IL1RAPL1: variants seen among roughly 807,000 people sequenced by gnomAD.
IL1RAPL1 encodes interleukin-1 receptor accessory protein-like 1.
In IL1RAPL1, 3 loss-of-function variants were observed where a neutral mutation model predicts 48.4. That is an observed-to-expected ratio of 0.06 (90% CI 0.03 to 0.16). The LOEUF is 0.16. Among genes scored for constraint, IL1RAPL1 ranks in the 10% least tolerant of loss-of-function variants. IL1RAPL1 has a pLI of 1.00. For synonymous variants in IL1RAPL1, 185 were observed against 187.7 expected, an observed-to-expected ratio of 0.99 and a Z score of 0.12; for missense variants, 349 against 530.6, an observed-to-expected ratio of 0.66 and a Z score of 3.36.
chrX:28,744,853 G>T, intron 1 of IL1RAPL1, among the ~76,000 whole-genome samples: 1 of 111,565 alleles, frequency 9.0e-6, no homozygotes, highest in African/African-American at 3.3e-5. Context: ...TTGGGTAAGT[G>T]ACTTCTTACC....
chrX:29,336,141 T>G (rs1291098799), intron 3 of IL1RAPL1, among the ~76,000 whole-genome samples: 1 of 103,933 alleles, frequency 9.6e-6, no homozygotes, highest in Non-Finnish European at 1.9e-5. Context: ...TATCTATACC[T>G]TATATACCTA....
At chrX:28,943,760 C>T (rs1924224582) in intron 2 of IL1RAPL1, among the ~76,000 whole-genome samples, 1 of 110,881 alleles carries the variant, frequency 9.0e-6, no homozygotes, top group South Asian at 3.7e-4. Flanking sequence ...TAATGAAATG[C>T]ACTCAGTACT....
At chrX:29,826,036 G>C (rs1247446553) in intron 6 of IL1RAPL1, among the ~76,000 whole-genome samples, 3 of 111,226 alleles carry the variant, frequency 2.7e-5, no homozygotes, top group Non-Finnish European at 5.7e-5. Context: ...TTGAGACTTG[G>C]AAAATGTGAC....
intron 2 of IL1RAPL1, among the ~76,000 whole-genome samples, chrX:28,793,243 A>AG (rs1381036815): frequency 3.6e-5 from 4 of 110,412 alleles, no homozygotes; most frequent in Admixed American, 9.7e-5. Context: ...CTGAAAAAAA[A>AG]TCCCCCACAT....
intron 3 of IL1RAPL1, among the ~76,000 whole-genome samples, chrX:29,364,104 AC>A (rs1316138389): frequency 3.6e-5 from 4 of 112,571 alleles, no homozygotes; most frequent in Non-Finnish European, 5.6e-5. Flanking sequence ...AGCCAAGAAA[AC>A]AAAAAGTTAT....
chrX:29,066,029 C>G (rs1261835015), intron 2 of IL1RAPL1, among the ~76,000 whole-genome samples: 5 of 111,427 alleles, frequency 4.5e-5, no homozygotes, highest in Non-Finnish European at 7.5e-5. Flanking sequence ...GACATTTGGC[C>G]TCTTTCACAG....
At chrX:29,640,650 T>C (rs1925137342) in intron 5 of IL1RAPL1, among the ~76,000 whole-genome samples, 1 of 111,848 alleles carries the variant, frequency 8.9e-6, no homozygotes, top group Non-Finnish European at 1.9e-5. Context: ...CCTCCCTTAC[T>C]TTGTATCCCA....
At chrX:29,904,291 A>G (rs1932562513) in intron 6 of IL1RAPL1, among the ~76,000 whole-genome samples, 1 of 111,904 alleles carries the variant, frequency 8.9e-6, no homozygotes. Flanking sequence ...GAAAAGAACG[A>G]TAGTTGCTCT....
At position 29,558,820 on chromosome X, in the gene IL1RAPL1, T is replaced by C. The variant is rs1251411226; in HGVS notation, c.704-109610T>C. On this transcript the variant is annotated intron_variant, in intron 5 of 10. Transcript: ENST00000378993. Reference sequence around the variant, plus strand: ...TTTCCCCATTGTTTCTTAGCATGCTTGTTGAAGATCAGTTGACTATAAATA... The same window carrying C: ...TTTCCCCATTGTTTCTTAGCATGCTCGTTGAAGATCAGTTGACTATAAATA... Among the ~76,000 whole-genome samples the C allele has an allele frequency of 5.4e-5, 6 of 111,672 alleles. No individual in the cohort carries two copies. In the East Asian group the frequency reaches 8.4e-4, roughly 16 times the overall value.
chrX:29,032,900 A>G (rs1926652918), intron 2 of IL1RAPL1, among the ~76,000 whole-genome samples: 1 of 112,503 alleles, frequency 8.9e-6, no homozygotes, highest in Non-Finnish European at 1.9e-5. Context: ...CCTAATACCA[A>G]TTTTATAAGG....
chrX:29,511,966 T>C (rs1405021268), intron 5 of IL1RAPL1, among the ~76,000 whole-genome samples: 1 of 111,188 alleles, frequency 9.0e-6, no homozygotes, highest in Non-Finnish European at 1.9e-5. Flanking sequence ...GATAGGAATA[T>C]AATGAAATGA....
chrX:29,335,272 AC>A (rs1932973356), intron 3 of IL1RAPL1, among the ~76,000 whole-genome samples: 1 of 22,806 alleles, frequency 4.4e-5, no homozygotes, highest in African/African-American at 2.0e-4. Context: ...GGAGACGGAG[AC>A]GGAGAGGGGA....
chrX:29,285,987 G>A (rs1031281388), intron 3 of IL1RAPL1, among the ~76,000 whole-genome samples: 1 of 111,776 alleles, frequency 8.9e-6, no homozygotes, highest in Non-Finnish European at 1.9e-5. Context: ...GAATTTTAGA[G>A]GCTTGAAAAT....
chrX:29,245,232 A>G (rs1275828456), intron 2 of IL1RAPL1, among the ~76,000 whole-genome samples: 2 of 111,553 alleles, frequency 1.8e-5, no homozygotes, highest in Non-Finnish European at 3.8e-5. Context: ...GCTGCAATAA[A>G]CATACATGTG....
chrX:29,164,689 C>G (rs1390058441), intron 2 of IL1RAPL1, among the ~76,000 whole-genome samples: 2 of 111,698 alleles, frequency 1.8e-5, no homozygotes, highest in Non-Finnish European at 3.8e-5. Flanking sequence ...AAGTCAGATT[C>G]CTTGACATCA....
chrX:28,852,023 T>G (rs929121140), intron 2 of IL1RAPL1, among the ~76,000 whole-genome samples: 4 of 112,003 alleles, frequency 3.6e-5, no homozygotes, highest in African/African-American at 1.3e-4. Context: ...AACACCTGCT[T>G]AAAATGCCAA....
intron 2 of IL1RAPL1, among the ~76,000 whole-genome samples, chrX:29,142,567 C>T (rs1221918180): frequency 8.9e-6 from 1 of 112,154 alleles, no homozygotes; most frequent in Non-Finnish European, 1.9e-5. Context: ...CGTTAATTTC[C>T]TCATTTTAAT....
chrX:28,802,417 A>G (rs1174200910), intron 2 of IL1RAPL1, among the ~76,000 whole-genome samples: 1 of 112,474 alleles, frequency 8.9e-6, no homozygotes, highest in Non-Finnish European at 1.9e-5. Context: ...GCCAAGTTTT[A>G]AAATCTCTGA....
intron 1 of IL1RAPL1, among the ~76,000 whole-genome samples, chrX:28,768,828 A>G (rs1429207016): frequency 1.8e-3 from 48 of 25,978 alleles, no homozygotes; most frequent in African/African-American, 0.012. Context: ...GTGTGTGTAT[A>G]TATATATATA....
Sources: gnomAD v4.1 joint callset for allele counts (sites outside exome capture counted in the v4.1 genomes callset) on GRCh38, gnomAD v4.1.1 for gene constraint, MANE v1.5 for transcripts, NCBI Gene and HGNC (gene_info 2026-07-23, HGNC 2026-07-21) for gene names.